Variants in CNTNAP5 observed in about 807,000 individuals in gnomAD.
The protein encoded by CNTNAP5 is contactin associated protein family member 5, also known as contactin-associated protein-like 5.
Under a neutral mutation model 150.2 loss-of-function variants are expected in CNTNAP5, and 72 were observed. The observed-to-expected ratio is 0.48, with a 90% confidence interval of 0.40 to 0.58. CNTNAP5 has a LOEUF of 0.58. Among genes scored for constraint, CNTNAP5 ranks in the 20% least tolerant of loss-of-function variants. The pLI is 0.00. For synonymous variants in CNTNAP5, 672 were observed against 619.8 expected (o/e 1.08, Z -1.25); for missense variants, 1,636 against 1,626.2 (o/e 1.01, Z -0.10).
Position 124,419,153 on chromosome 2 carries a change from A to AAAAAAAAAAAAAAAC in CNTNAP5, c.529+1573_529+1574insAAAACAAAAAAAAAA, listed in dbSNP as rs1553466545. Among the ~76,000 whole-genome samples, 175 of 76,384 alleles carry AAAAAAAAAAAAAAAC rather than the reference A, an allele frequency of 2.3e-3. 2 individuals are homozygous for AAAAAAAAAAAAAAAC. The highest frequency in any genetic ancestry group is 7.8e-3 in the African/African-American group (165 of 21,064). 50.1% of individuals were successfully genotyped at this position (76,384 alleles called of 152,430 possible). ...GAGACTCCTTCTCAAAAAAAAAAAAAAAAAAAAAAACAGTATGAAGCTTTT... is the reference window on the plus strand; with the variant it reads ...GAGACTCCTTCTCAAAAAAAAAAAAAAAAAAAAAAAAAAACAAAAAAAAAACAGTATGAAGCTTTT... On this transcript the variant is annotated intron_variant, in intron 4 of 23. Coordinates refer to ENST00000682447, the MANE Select transcript of CNTNAP5 (RefSeq NM_001367498.1).
rs563647880 is a variant in CNTNAP5 at position 124,176,168 on chromosome 2, A to C, written c.83-45537A>C. Among the ~76,000 whole-genome samples, 6 of 152,300 alleles carry C rather than the reference A, an allele frequency of 3.9e-5. No individual in the cohort carries two copies. In the South Asian group the frequency reaches 1.2e-3, roughly 32 times the overall value. ...GTTCTCCATGTCCCTGGTCTAAAGAAGTGATGGCACATGCTGTGCGTGCTC... is the reference window on the plus strand; with the variant it reads ...GTTCTCCATGTCCCTGGTCTAAAGACGTGATGGCACATGCTGTGCGTGCTC... On this transcript the variant is annotated intron_variant, in intron 1 of 23. Transcript: ENST00000682447.
intron 19 of CNTNAP5, among the ~76,000 whole-genome samples, chr2:124,855,489 G>A (rs1391178840): frequency 2.0e-5 from 3 of 151,942 alleles, no homozygotes; most frequent in Non-Finnish European, 4.4e-5. Context: ...GAGTTTTTTA[G>A]GCACTAGAGT....
chr2:124,485,587 T>C (rs1178133966), intron 7 of CNTNAP5, among the ~76,000 whole-genome samples: 2 of 117,310 alleles, frequency 1.7e-5, no homozygotes, highest in Non-Finnish European at 3.2e-5. Flanking sequence ...CACTCCAGCC[T>C]GGGCGACACA....
chr2:124,652,321 C>T (rs1678340333), intron 13 of CNTNAP5, among the ~76,000 whole-genome samples: 2 of 152,138 alleles, frequency 1.3e-5, no homozygotes, highest in African/African-American at 4.8e-5. Context: ...AGTGCAGCTT[C>T]CAGTACAGAG....
intron 11 of CNTNAP5, among the ~76,000 whole-genome samples, chr2:124,572,556 G>A (rs530519876): frequency 2.6e-5 from 4 of 152,270 alleles, no homozygotes; most frequent in African/African-American, 9.6e-5. Context: ...TCAGGAGGAT[G>A]TTTTTCAAGG....
chr2:124,135,637 T>C (rs1313339420), intron 1 of CNTNAP5, among the ~76,000 whole-genome samples: 1 of 152,206 alleles, frequency 6.6e-6, no homozygotes, highest in African/African-American at 2.4e-5. Flanking sequence ...TATAAGCTTG[T>C]CTCATCCTCT....
intron 21 of CNTNAP5, among the ~76,000 whole-genome samples, chr2:124,898,577 A>T (rs1002456268): frequency 6.6e-6 from 1 of 151,668 alleles, no homozygotes; most frequent in African/African-American, 2.4e-5. Flanking sequence ...TTTGCAAAAT[A>T]ATGTAGAAAG....
intron 3 of CNTNAP5, among the ~76,000 whole-genome samples, chr2:124,399,591 A>C (rs1691351657): frequency 6.6e-6 from 1 of 151,936 alleles, no homozygotes; most frequent in South Asian, 2.1e-4. Context: ...TTTAGTCATC[A>C]TTTGTTTCTC....
At chr2:124,684,209 A>G (rs935937121) in intron 13 of CNTNAP5, among the ~76,000 whole-genome samples, 2 of 152,300 alleles carry the variant, frequency 1.3e-5, no homozygotes, top group East Asian at 3.9e-4. Flanking sequence ...GGAGGGTTGC[A>G]GCTGCTTAAA....
intron 9 of CNTNAP5, 92 bp from the exon 10 acceptor site, chr2:124,527,193 T>C: frequency 9.4e-7 from 1 of 1,063,822 alleles, no homozygotes; most frequent in Non-Finnish European, 1.4e-6. Flanking sequence ...AGCACCAAAC[T>C]AATTAGACCT....
chr2:124,811,718 A>T (rs1025169730), intron 19 of CNTNAP5, among the ~76,000 whole-genome samples: 2 of 145,014 alleles, frequency 1.4e-5, no homozygotes, highest in Admixed American at 1.4e-4. Flanking sequence ...GGGGGGGTGG[A>T]TCACCTGAAA....
intron 3 of CNTNAP5, among the ~76,000 whole-genome samples, chr2:124,277,413 G>C (rs1446634519): frequency 6.6e-6 from 1 of 152,032 alleles, no homozygotes; most frequent in African/African-American, 2.4e-5. Flanking sequence ...AGCAAGTCCT[G>C]GTATTGCATT....
chr2:124,764,238 C>T, intron 16 of CNTNAP5, 91 bp downstream of exon 16: 2 of 946,022 alleles, frequency 2.1e-6, no homozygotes. Flanking sequence ...GGCATTTGTA[C>T]CAGCAAATTA....
chr2:124,312,635 A>G lies in CNTNAP5; in HGVS notation c.381+70242A>G, dbSNP rs538722212. On this transcript the variant is annotated intron_variant, in intron 3 of 23. Transcript: ENST00000682447. ...GCCCAGGCCGGACTGCAGTGGCACT[A>G]CCTCGGCTCACTGCAAGCTCCGCCT... Among the ~76,000 whole-genome samples the G allele has an allele frequency of 2.0e-5, 3 of 152,292 alleles. No individual in the cohort carries two copies. The East Asian group carries it at 5.8e-4, about 29-fold the overall frequency.
intron 1 of CNTNAP5, among the ~76,000 whole-genome samples, chr2:124,096,053 G>A (rs1317468259): frequency 6.6e-6 from 1 of 152,108 alleles, no homozygotes; most frequent in Non-Finnish European, 1.5e-5. Context: ...GTGGGTCCCT[G>A]AACATTCTTT....
intron 3 of CNTNAP5, among the ~76,000 whole-genome samples, chr2:124,406,412 C>T (rs896247410): frequency 5.9e-5 from 9 of 152,054 alleles, no homozygotes; most frequent in African/African-American, 2.4e-5. Context: ...ACTTTCCATC[C>T]TTTTTGGTTT....
chr2:124,890,279 G>A (rs183738452), intron 21 of CNTNAP5, among the ~76,000 whole-genome samples: 5 of 152,112 alleles, frequency 3.3e-5, no homozygotes, highest in East Asian at 1.9e-4. Flanking sequence ...ATGGCAATCC[G>A]GAAGTGCCCA....
In CNTNAP5 at chr2:124,865,324, A is replaced by G; in HGVS notation, c.3236A>G (p.Tyr1079Cys). The G allele has an allele frequency of 6.4e-7, 1 of 1,564,046 alleles. No homozygotes were observed. The highest frequency in any genetic ancestry group is 1.4e-5 in the African/African-American group (1 of 73,864). The change falls in exon 20 of 24, where the codon TAT (tyrosine) becomes TGT (cysteine). Residue 1079 changes from tyrosine (Y) to cysteine (C), a missense_variant. Transcript: ENST00000682447. ...LCKNGSLQVR[Y>C]HLNKEETHVF... ...TTTCAAGGAAGCTTACAGGTTCGCT[A>G]TCACCTAAACAAGGAAGAAACCCAT...
intron 3 of CNTNAP5, among the ~76,000 whole-genome samples, chr2:124,381,312 A>G (rs1171613906): frequency 6.6e-6 from 1 of 152,284 alleles, no homozygotes; most frequent in East Asian, 1.9e-4. Context: ...TATTCTACCT[A>G]TTAGAACCAG....
Sources: allele counts gnomAD v4.1 joint callset (sites outside exome capture counted in the v4.1 genomes callset), GRCh38; gene constraint gnomAD v4.1.1; transcripts MANE v1.5; gene names NCBI Gene and HGNC (gene_info 2026-07-23, HGNC 2026-07-21).